The following RALYL variants were observed in gnomAD, a reference collection of about 807,000 sequenced individuals.
RALYL encodes RALY RNA binding protein like, also known as RNA-binding Raly-like protein.
RALYL carries 29 observed loss-of-function variants against 35.1 expected under a neutral mutation model. The ratio of observed to expected loss-of-function variants is 0.83; its 90% CI spans 0.61 to 1.13. The LOEUF is 1.13. RALYL is among the 50% of genes most tolerant of loss of function. RALYL has a pLI of 0.00. For missense variants in RALYL, 359 were observed against 360.4 expected (o/e 1.00, Z 0.03); for synonymous variants, 120 against 127.6 (o/e 0.94, Z 0.40).
chr8:84,688,961 A>G (rs1004248903), intron 2 of RALYL, among the ~76,000 whole-genome samples: 1 of 152,186 alleles, frequency 6.6e-6, no homozygotes, highest in Non-Finnish European at 1.5e-5. Flanking sequence ...GGTATACGAA[A>G]AAAAATTTCA....
chr8:84,916,314 A>T (rs1017388623), intron 8 of RALYL, among the ~76,000 whole-genome samples: 7 of 152,010 alleles, frequency 4.6e-5, no homozygotes, highest in African/African-American at 1.7e-4. Flanking sequence ...ATAGAAAATG[A>T]TATCATTAAC....
intron 1 of RALYL, among the ~76,000 whole-genome samples, chr8:84,303,922 A>G (rs1841290650): frequency 6.6e-6 from 1 of 152,138 alleles, no homozygotes; most frequent in Admixed American, 6.5e-5. Flanking sequence ...TTCTATTGAT[A>G]AAATATAAAA....
chr8:84,471,730 T>C (rs1384053559), intron 1 of RALYL, among the ~76,000 whole-genome samples: 1 of 152,214 alleles, frequency 6.6e-6, no homozygotes, highest in East Asian at 1.9e-4. Context: ...CACTGTGACC[T>C]TGACAAATTT....
chr8:84,701,671 C>T (rs994588104), intron 2 of RALYL, among the ~76,000 whole-genome samples: 1 of 152,224 alleles, frequency 6.6e-6, no homozygotes, highest in Admixed American at 6.5e-5. Context: ...GAGGTGACTC[C>T]AGTAAGACAG....
chr8:84,231,618 A>G (rs1388858392), intron 1 of RALYL, among the ~76,000 whole-genome samples: 2 of 152,160 alleles, frequency 1.3e-5, no homozygotes, highest in Non-Finnish European at 2.9e-5. Context: ...TTCTGTTTTT[A>G]AAACATATTT....
chr8:84,281,355 G>A (rs1222168462), intron 1 of RALYL, among the ~76,000 whole-genome samples: 1 of 152,088 alleles, frequency 6.6e-6, no homozygotes, highest in East Asian at 1.9e-4. Flanking sequence ...TTGAGATGGA[G>A]TATTTTATAT....
chr8:84,546,008 T>G (rs2060330407), intron 2 of RALYL, among the ~76,000 whole-genome samples: 1 of 152,222 alleles, frequency 6.6e-6, no homozygotes, highest in African/African-American at 2.4e-5. Flanking sequence ...GTAAATTTTC[T>G]AACATTTCCA....
At chr8:84,726,156 AC>A (rs1453325469) in intron 2 of RALYL, among the ~76,000 whole-genome samples, 4 of 149,858 alleles carry the variant, frequency 2.7e-5, no homozygotes, top group Non-Finnish European at 5.9e-5. Context: ...TTATAGCCAA[AC>A]CTGCTCAGTG....
intron 1 of RALYL, among the ~76,000 whole-genome samples, chr8:84,434,381 A>G (rs996844929): frequency 3.9e-5 from 6 of 152,134 alleles, no homozygotes; most frequent in African/African-American, 9.7e-5. Flanking sequence ...CAAGGCATAA[A>G]TAACTTGTTT....
chr8:84,209,125 C>CAAAAAAAAAAAA (rs60246316), intron 1 of RALYL, among the ~76,000 whole-genome samples: 191 of 97,478 alleles, frequency 2.0e-3, no homozygotes, highest in Non-Finnish European at 2.8e-3. Flanking sequence ...ACTCCTCCAC[C>CAAAAAAAAAAAA]AAAAAAAAAA....
chr8:84,229,463 T>C (rs1824813116), intron 1 of RALYL, among the ~76,000 whole-genome samples: 1 of 152,206 alleles, frequency 6.6e-6, no homozygotes, highest in African/African-American at 2.4e-5. Flanking sequence ...TTGCTACTTG[T>C]GTTTCTTACA....
At chr8:84,533,265 A>G (rs1271147566) in intron 2 of RALYL, among the ~76,000 whole-genome samples, 1 of 152,142 alleles carries the variant, frequency 6.6e-6, no homozygotes, top group East Asian at 1.9e-4. Context: ...TTTCAATCTA[A>G]GTGTAGTCAT....
chr8:84,645,514 C>T (rs1827298207), intron 2 of RALYL, among the ~76,000 whole-genome samples: 1 of 151,848 alleles, frequency 6.6e-6, no homozygotes, highest in South Asian at 2.1e-4. Context: ...ACTTTCCTTT[C>T]TCCTTTTCCA....
chr8:84,449,302 G>A (rs1277542141), intron 1 of RALYL, among the ~76,000 whole-genome samples: 1 of 151,954 alleles, frequency 6.6e-6, no homozygotes, highest in East Asian at 1.9e-4. Context: ...GAGCTTTGAA[G>A]CACTTAGCAC....
chr8:84,394,918 GAA>G (rs1563845022), intron 1 of RALYL, among the ~76,000 whole-genome samples: 1 of 151,690 alleles, frequency 6.6e-6, no homozygotes, highest in Non-Finnish European at 1.5e-5. Context: ...ATAATAAAGT[GAA>G]GTTCATTTAC....
intron 4 of RALYL, among the ~76,000 whole-genome samples, chr8:84,835,482 T>C (rs1346815811): frequency 8.2e-6 from 1 of 121,232 alleles, no homozygotes; most frequent in African/African-American, 3.3e-5. Context: ...AGCCTCAACA[T>C]GGAGAAACCC....
At chr8:84,423,900 G>A (rs1364506656) in intron 1 of RALYL, among the ~76,000 whole-genome samples, 6 of 151,134 alleles carry the variant, frequency 4.0e-5, no homozygotes, top group Admixed American at 2.6e-4. Flanking sequence ...TGGCTTGTAG[G>A]GTTTCTGCCG....
At chr8:84,628,676 C>T (rs1823272956) in intron 2 of RALYL, among the ~76,000 whole-genome samples, 2 of 151,772 alleles carry the variant, frequency 1.3e-5, no homozygotes, top group Non-Finnish European at 1.5e-5. Flanking sequence ...TGGGGAGGAC[C>T]ATCACGGTAG....
chr8:84,529,578 G>T lies in RALYL; in HGVS notation c.256+1G>T. 1 of 1,606,292 alleles carries T rather than the reference G, an allele frequency of 6.2e-7. No individual in the cohort carries two copies. Among genetic ancestry groups the T allele is most frequent in the South Asian group, 1.1e-5 (1 of 90,922 alleles). On this transcript the variant is annotated splice_donor_variant, in intron 2 of 8. Transcript: ENST00000521268. LOFTEE classifies it high-confidence loss of function. ...AGAGTCATCGCCGGCCAACCACTTG[G>T]TAAGTCATGCTCAGACATGGATCTC...
Sources: allele counts gnomAD v4.1 joint callset (sites outside exome capture counted in the v4.1 genomes callset), GRCh38; gene constraint gnomAD v4.1.1; transcripts MANE v1.5; gene names NCBI Gene and HGNC (gene_info 2026-07-23, HGNC 2026-07-21).